Variants in NAA35 observed in about 807,000 individuals in gnomAD.
The protein encoded by NAA35 is MAK10 homolog, amino-acid N-acetyltransferase subunit.
Under a neutral mutation model 101.7 loss-of-function variants are expected in NAA35, and 18 were observed. The ratio of observed to expected loss-of-function variants is 0.18; its 90% CI spans 0.12 to 0.26. The LOEUF (loss-of-function observed/expected upper bound fraction) is 0.26. NAA35 is among the 10% of genes least tolerant of loss of function. NAA35 has a pLI of 1.00. For synonymous variants in NAA35, 267 were observed against 273.1 expected, an observed-to-expected ratio of 0.98 and a Z score of 0.22; for missense variants, 601 against 886.8, an observed-to-expected ratio of 0.68 and a Z score of 4.09.
intron 21 of NAA35, among the ~76,000 whole-genome samples, chr9:86,020,473 A>G (rs1004130681): frequency 2.0e-5 from 3 of 152,110 alleles, no homozygotes; most frequent in Non-Finnish European, 4.4e-5. Flanking sequence ...AAAGAAATAT[A>G]TTTATAATTT....
chr9:85,952,261 TC>T (rs1318208959), intron 2 of NAA35, among the ~76,000 whole-genome samples: 2 of 151,678 alleles, frequency 1.3e-5, no homozygotes, highest in African/African-American at 4.8e-5. Flanking sequence ...AAAGTAGTGT[TC>T]CATGATAATT....
chr9:85,971,763 T>TA (rs1425434808), intron 6 of NAA35, among the ~76,000 whole-genome samples: 1 of 152,210 alleles, frequency 6.6e-6, no homozygotes, highest in Non-Finnish European at 1.5e-5. Context: ...GAGGCTTGAT[T>TA]GTATAGTTTA....
At chr9:85,980,725 T>C (rs1451528962) in intron 11 of NAA35, among the ~76,000 whole-genome samples, 2 of 152,208 alleles carry the variant, frequency 1.3e-5, no homozygotes, top group African/African-American at 2.4e-5. Flanking sequence ...TTAAAAAGAA[T>C]AGTGTACCTC....
chr9:86,016,465 A>G (rs1353229529), intron 17 of NAA35, 74 bp from the exon 18 acceptor site: 35 of 1,104,926 alleles, frequency 3.2e-5, no homozygotes, highest in Non-Finnish European at 4.0e-5. Context: ...TGAAATATCT[A>G]TCGTTAATAT....
chr9:85,962,385 G>A (rs776712620), intron 6 of NAA35, among the ~76,000 whole-genome samples: 60 of 151,152 alleles, frequency 4.0e-4, no homozygotes, highest in Admixed American at 6.6e-4. Flanking sequence ...CAGCTACTTG[G>A]GAGGCTGAGG....
At chr9:85,972,509 CAAA>C (rs34535924) in intron 6 of NAA35, among the ~76,000 whole-genome samples, 13 of 53,972 alleles carry the variant, frequency 2.4e-4, no homozygotes, top group African/African-American at 7.4e-4. Context: ...GACCCTGTCT[CAAA>C]AAAAAAAAAA....
intron 3 of NAA35, among the ~76,000 whole-genome samples, chr9:85,957,827 A>C (rs1829340894): frequency 6.6e-6 from 1 of 152,130 alleles, no homozygotes; most frequent in Non-Finnish European, 1.5e-5. Context: ...AGTTCTTCTC[A>C]GATTTGAGCG....
intron 11 of NAA35, among the ~76,000 whole-genome samples, chr9:85,992,043 G>A (rs1439409305): frequency 3.3e-5 from 5 of 152,130 alleles, no homozygotes; most frequent in South Asian, 2.1e-4. Flanking sequence ...GTGTGGTGGC[G>A]GGCGCCTGTA....
chr9:85,958,736 G>C (rs970761256), intron 4 of NAA35, 150 bp downstream of exon 4: 9 of 446,288 alleles, frequency 2.0e-5, no homozygotes, highest in African/African-American at 1.2e-4. Flanking sequence ...TATAACCTTT[G>C]TATGTTAAAG....
chr9:85,999,595 G>A (rs1054019616), intron 12 of NAA35, among the ~76,000 whole-genome samples: 2 of 152,162 alleles, frequency 1.3e-5, no homozygotes, highest in Non-Finnish European at 2.9e-5. Flanking sequence ...CCCATTCCAG[G>A]TACCTTAGGG....
At chr9:85,961,595 A>G (rs977460616) in intron 5 of NAA35, among the ~76,000 whole-genome samples, 9 of 152,172 alleles carry the variant, frequency 5.9e-5, no homozygotes, top group African/African-American at 1.9e-4. Flanking sequence ...AAACCTATCT[A>G]GTTTCTTGAA....
chr9:85,941,668 C>A (rs1828523078), intron 1 of NAA35: 1 of 986,140 alleles, frequency 1.0e-6, no homozygotes, highest in African/African-American at 1.7e-5. Context: ...CCTCATTGCT[C>A]CCGGCGAGGT....
rs1831335701 is a variant in NAA35 at position 85,999,770 on chromosome 9, GCAGTTCTCCTT to G, written c.1056+3194_1056+3204del. On this transcript the variant is annotated intron_variant, in intron 12 of 22. Transcript: ENST00000361671. ...GGTTTCTGAAGAGCTGCTGTCCCAA[GCAGTTCTCCTT>G]AACAAATCCAAGTCCAAATATTAAA... 3.9e-5 allele frequency among the ~76,000 whole-genome samples: 6 copies of G among 152,302 alleles called. No individual in the cohort carries two copies. The South Asian group carries it at 1.2e-3, about 32-fold the overall frequency.
chr9:86,009,883 T>A lies in NAA35; in HGVS notation c.1242T>A (p.Asn414Lys), dbSNP rs1200869917. The change falls in exon 15 of 23, where the codon AAT becomes AAA. Residue 414 changes from asparagine to lysine, a missense_variant. Coordinates refer to ENST00000361671, the MANE Select transcript of NAA35 (RefSeq NM_024635.4). ...CTTGCAGGTGCTACCTATATAATAA[T>A]CACCAGGCTAAGGACTGTATCGACT... is the stretch of plus-strand genomic sequence containing the variant. ...VLSPKCYLYN[N>K]HQAKDCIDSF... The A allele has an allele frequency of 6.2e-7, 1 of 1,612,854 alleles. No individual in the cohort carries two copies. Among genetic ancestry groups the A allele is most frequent in the Non-Finnish European group, 8.5e-7 (1 of 1,179,144 alleles).
intron 11 of NAA35, among the ~76,000 whole-genome samples, chr9:85,983,140 A>G (rs1436353193): frequency 6.6e-6 from 1 of 152,162 alleles, no homozygotes; most frequent in African/African-American, 2.4e-5. Flanking sequence ...AGGGGGACAG[A>G]GGGATTCTGT....
intron 11 of NAA35, among the ~76,000 whole-genome samples, chr9:85,980,309 G>A (rs1320386236): frequency 1.3e-5 from 2 of 151,862 alleles, no homozygotes; most frequent in African/African-American, 4.9e-5. Context: ...TTTGGCCATT[G>A]GTGAGCAACT....
At chr9:85,997,867 A>G (rs1587638054) in intron 12 of NAA35, among the ~76,000 whole-genome samples, 1 of 152,250 alleles carries the variant, frequency 6.6e-6, no homozygotes, top group East Asian at 1.9e-4. Flanking sequence ...TGGTATACAC[A>G]TACATACATA....
At chr9:85,949,616 C>CT (rs1468359548) in intron 2 of NAA35, among the ~76,000 whole-genome samples, 1 of 151,878 alleles carries the variant, frequency 6.6e-6, no homozygotes, top group Non-Finnish European at 1.5e-5. Flanking sequence ...TTTTTTATGT[C>CT]TTTTTCCTCA....
At chr9:86,018,530 G>A (rs1832346576) in intron 20 of NAA35, 135 bp downstream of exon 20, 9 of 1,325,846 alleles carry the variant, frequency 6.8e-6, no homozygotes, top group Non-Finnish European at 9.2e-6. Context: ...GCATATGAGG[G>A]TTGAGAATTA....
Sources: allele counts gnomAD v4.1 joint callset (sites outside exome capture counted in the v4.1 genomes callset), GRCh38; gene constraint gnomAD v4.1.1; transcripts MANE v1.5; gene names NCBI Gene and HGNC (gene_info 2026-07-23, HGNC 2026-07-21).